Variants in ZNF536 observed in about 807,000 individuals in gnomAD.
The protein encoded by ZNF536 is zinc finger protein 536.
In ZNF536, 13 loss-of-function variants were observed where a neutral mutation model predicts 84.5. The observed-to-expected ratio is 0.15, with a 90% CI of 0.10 to 0.24. The LOEUF (loss-of-function observed/expected upper bound fraction) is 0.24. ZNF536 is among the 10% of genes least tolerant of loss of function. The pLI is 1.00. For missense variants in ZNF536, 1,536 were observed against 1,747.5 expected, an observed-to-expected ratio of 0.88 and a Z score of 2.16; for synonymous variants, 811 against 742.5, an observed-to-expected ratio of 1.09 and a Z score of -1.50.
chr19:30,274,371 C>T (rs1372664721), intron 1 of ZNF536, among the ~76,000 whole-genome samples: 1 of 152,210 alleles, frequency 6.6e-6, no homozygotes. Flanking sequence ...TTTCTAATAG[C>T]CACATTATAT....
upstream of ZNF536, among the ~76,000 whole-genome samples, chr19:30,227,822 G>C (rs1160004163): frequency 6.6e-6 from 1 of 152,000 alleles, no homozygotes; most frequent in Non-Finnish European, 1.5e-5. Context: ...CGGCGGCCGG[G>C]CAGCCCGAGC....
intron 2 of ZNF536, among the ~76,000 whole-genome samples, chr19:30,490,891 C>T (rs936903105): frequency 3.9e-5 from 6 of 152,170 alleles, no homozygotes; most frequent in African/African-American, 1.4e-4. Context: ...CGCCCCAGCC[C>T]GGTGACTAAT....
In ZNF536 at chr19:30,401,192, C is replaced by A. The variant is rs1416156264; in HGVS notation, c.-3+28636C>A. ...CAATTGGCCTTACCTGTGTGGGGGGCTACTTCTGAGTTGTCCATTCTGTTC... is the reference window on the plus strand; with the variant it reads ...CAATTGGCCTTACCTGTGTGGGGGGATACTTCTGAGTTGTCCATTCTGTTC... On this transcript the variant is annotated intron_variant, in intron 1 of 4. Coordinates refer to ENST00000355537, the MANE Select transcript of ZNF536 (RefSeq NM_014717.3). 2.6e-5 allele frequency among the ~76,000 whole-genome samples: 4 copies of A among 152,078 alleles called. No homozygotes were observed. In the East Asian group the frequency reaches 5.8e-4, roughly 22 times the overall value.
chr19:30,642,717 C>CTGCA (rs2049310618), intron 1 of ZNF536, among the ~76,000 whole-genome samples: 7 of 152,250 alleles, frequency 4.6e-5, no homozygotes, highest in Admixed American at 3.9e-4. Flanking sequence ...GACTGTTGTG[C>CTGCA]TGCAGACCGG....
At chr19:30,667,772 C>G (rs1229890725) in intron 1 of ZNF536, among the ~76,000 whole-genome samples, 1 of 151,936 alleles carries the variant, frequency 6.6e-6, no homozygotes, top group Non-Finnish European at 1.5e-5. Flanking sequence ...AGCCTATTTA[C>G]TACAGTACTA....
At chr19:30,654,343 A>G (rs1389541383) in intron 1 of ZNF536, among the ~76,000 whole-genome samples, 1 of 152,056 alleles carries the variant, frequency 6.6e-6, no homozygotes, top group Non-Finnish European at 1.5e-5. Flanking sequence ...AGTGCATGAA[A>G]TCATCTGATC....
At chr19:30,630,056 C>G (rs1358762701) in intron 1 of ZNF536, among the ~76,000 whole-genome samples, 1 of 152,214 alleles carries the variant, frequency 6.6e-6, no homozygotes, top group Non-Finnish European at 1.5e-5. Flanking sequence ...AACAGCTACT[C>G]TCTAGGGAAG....
chr19:30,631,400 A>G (rs984794672), intron 1 of ZNF536, among the ~76,000 whole-genome samples: 3 of 152,206 alleles, frequency 2.0e-5, no homozygotes, highest in Non-Finnish European at 4.4e-5. Flanking sequence ...AGGCTGGCCC[A>G]GTCTCCAGAC....
At chr19:30,261,155 G>A (rs1398688471) in intron 1 of ZNF536, among the ~76,000 whole-genome samples, 12 of 150,756 alleles carry the variant, frequency 8.0e-5, no homozygotes, top group East Asian at 2.0e-4. Context: ...AAAATTAGCC[G>A]GGCGTAGTGG....
At chr19:30,319,805 T>C (rs1418011785) in intron 2 of ZNF536, among the ~76,000 whole-genome samples, 2 of 152,240 alleles carry the variant, frequency 1.3e-5, no homozygotes, top group Non-Finnish European at 2.9e-5. Context: ...TAAACATTAA[T>C]CAATATCATC....
At chr19:30,629,009 T>C (rs944810254) in intron 1 of ZNF536, among the ~76,000 whole-genome samples, 4 of 151,816 alleles carry the variant, frequency 2.6e-5, no homozygotes, top group Admixed American at 6.6e-5. Flanking sequence ...GGCCCAGGAG[T>C]CACTTTTAAA....
At chr19:30,692,532 T>C (rs2051453690) in intron 1 of ZNF536, among the ~76,000 whole-genome samples, 1 of 152,220 alleles carries the variant, frequency 6.6e-6, no homozygotes, top group Non-Finnish European at 1.5e-5. Context: ...TGTGGGAAGT[T>C]TAAGGGGGGA....
chr19:30,409,117 G>A lies in ZNF536; in HGVS notation c.-2-34444G>A, dbSNP rs572612576. Among the ~76,000 whole-genome samples the A allele has an allele frequency of 1.3e-3, 191 of 151,578 alleles. 1 individual carries two copies. The highest frequency in any genetic ancestry group is 3.3e-3 in the African/African-American group (137 of 41,238). On this transcript the variant is annotated intron_variant, in intron 1 of 4. Transcript: ENST00000355537. ...ATCATTAATCCATTATCATCCATTC[G>A]TCTATTCATCCATCCATTGATCCAT...
intron 2 of ZNF536, among the ~76,000 whole-genome samples, chr19:30,308,915 T>G (rs1157940124): frequency 6.6e-6 from 1 of 152,186 alleles, no homozygotes; most frequent in African/African-American, 2.4e-5. Flanking sequence ...TTTCTTATGA[T>G]GCTATTCAAT....
chr19:30,628,707 A>AT (rs1190805619), intron 1 of ZNF536, among the ~76,000 whole-genome samples: 2 of 143,108 alleles, frequency 1.4e-5, no homozygotes, highest in Non-Finnish European at 3.1e-5. Context: ...TTATTTATTT[A>AT]TTTTTTTGTT....
intron 1 of ZNF536, among the ~76,000 whole-genome samples, chr19:30,707,650 G>A (rs1451705438): frequency 6.6e-6 from 1 of 152,192 alleles, no homozygotes; most frequent in African/African-American, 2.4e-5. Context: ...TGGGAAGGTT[G>A]ATGAAATTTA....
chr19:30,575,306 C>G (rs2046691503), intron 1 of ZNF536, among the ~76,000 whole-genome samples: 1 of 151,622 alleles, frequency 6.6e-6, no homozygotes, highest in Non-Finnish European at 1.5e-5. Flanking sequence ...CATGGACAGC[C>G]CCTCCATGGG....
chr19:30,621,646 A>G (rs2048486208), intron 1 of ZNF536, among the ~76,000 whole-genome samples: 1 of 152,252 alleles, frequency 6.6e-6, no homozygotes, highest in African/African-American at 2.4e-5. Flanking sequence ...TTTTTGTTTT[A>G]AACCTGAGAA....
chr19:30,505,256 T>C lies in ZNF536; in HGVS notation c.2171-29591T>C, dbSNP rs75626882. 1.4e-4 allele frequency among the ~76,000 whole-genome samples: 20 copies of C among 147,678 alleles called. No individual in the cohort carries two copies. The East Asian group carries it at 3.9e-3, about 29-fold the overall frequency. ...AATATTTAATATATTTATTAATATA[T>C]AATACATTACATATTATATACTAAT... is the stretch of plus-strand genomic sequence containing the variant. On this transcript the variant is annotated intron_variant, in intron 2 of 4. Transcript: ENST00000355537.
Sources: gnomAD v4.1 joint callset for allele counts (sites outside exome capture counted in the v4.1 genomes callset) on GRCh38, gnomAD v4.1.1 for gene constraint, MANE v1.5 for transcripts, NCBI Gene and HGNC (gene_info 2026-07-23, HGNC 2026-07-21) for gene names.